TAMALIN: variants seen among roughly 807,000 people sequenced by gnomAD.
TAMALIN encodes the protein protein TAMALIN.
TAMALIN carries 9 observed loss-of-function variants against 38.5 expected under a neutral mutation model. The ratio of observed to expected loss-of-function variants is 0.23; its 90% confidence interval spans 0.14 to 0.41. The LOEUF (loss-of-function observed/expected upper bound fraction) is 0.41. Ranked by LOEUF, TAMALIN falls within the 10% of genes least tolerant of loss-of-function variation. The pLI is 1.00. For missense variants in TAMALIN, 548 were observed against 554.1 expected, an observed-to-expected ratio of 0.99 and a Z score of 0.11; for synonymous variants, 306 against 256.5, an observed-to-expected ratio of 1.19 and a Z score of -1.85.
chr12:52,013,372 C>A (rs183377493), intron 4 of TAMALIN: 1 of 301,974 alleles, frequency 3.3e-6, no homozygotes, highest in Non-Finnish European at 6.4e-6. Flanking sequence ...CCACCGCGCC[C>A]GGCCGGACAG....
rs1365242917 is a variant in TAMALIN at position 52,014,779 on chromosome 12, G to A, written c.768G>A (p.Ser256=). The A allele has an allele frequency of 6.8e-7, 1 of 1,464,194 alleles. No individual in the cohort carries two copies. The highest frequency in any genetic ancestry group is 9.0e-7 in the Non-Finnish European group (1 of 1,116,436). 90.7% of individuals were successfully genotyped at this position (1,464,194 alleles called of 1,614,324 possible). Residue 256 remains serine, a synonymous_variant, in exon 8 of 8, where the codon TCG becomes TCA. Coordinates refer to ENST00000293662, the MANE Select transcript of TAMALIN (RefSeq NM_181711.4). ...ACGGCGCGGGCCTGCTCCCGGGCTC[G>A]CTGCCCTTCGGGCCTCTGCTCGCCG... ...CLYGAGLLPG[S]LPFGPLLAVP...
In TAMALIN at chr12:52,014,881, C is replaced by A; in HGVS notation, c.870C>A (p.Phe290Leu). ...ACGCCGTCTACCACACGTGCTTCTT[C>A]GGGGACTCCGAGCCGCCGGCGCTGC... Reference protein sequence around the residue: ...ADDAVYHTCFFGDSEPPALPP... With the variant: ...ADDAVYHTCFLGDSEPPALPP... The change falls in exon 8 of 8, where the codon TTC becomes TTA. Residue 290 changes from phenylalanine (F) to leucine (L), a missense_variant. Transcript: ENST00000293662. 1 of 1,251,858 alleles carries A rather than the reference C, an allele frequency of 8.0e-7. No homozygotes were observed. The highest frequency in any genetic ancestry group is 1.0e-6 in the Non-Finnish European group (1 of 990,396). The allele number at this position is 1,251,858 out of a possible 1,614,324, so 77.5% of individuals were successfully genotyped here. A position where few individuals can be genotyped will look rare whatever the true frequency, so the allele number is the denominator to read the frequency against.
rs1863098235 is a variant in TAMALIN at position 52,011,498 on chromosome 12, A to C, written c.454+357A>C. On this transcript the variant is annotated intron_variant, in intron 4 of 7. Transcript: ENST00000293662. The surrounding 1 kb of genome is among the most constrained non-coding windows in gnomAD (Gnocchi z 5.3). ...CAGCATGGGCAGGAGCCAGGGAAGAAGCAACATTCCATTAAGTCTGTTTGA... is the reference window on the plus strand; with the variant it reads ...CAGCATGGGCAGGAGCCAGGGAAGACGCAACATTCCATTAAGTCTGTTTGA... 1 of 550,300 alleles carries C rather than the reference A, an allele frequency of 1.8e-6. No homozygotes were observed. The highest frequency in any genetic ancestry group is 3.3e-6 in the Non-Finnish European group (1 of 307,302). 34.1% of individuals were successfully genotyped at this position (550,300 alleles called of 1,614,324 possible).
At chr12:52,012,338 C>G (rs1193973596) in intron 4 of TAMALIN, among the ~76,000 whole-genome samples, 2 of 152,210 alleles carry the variant, frequency 1.3e-5, no homozygotes, top group Admixed American at 1.3e-4. Context: ...ACTGCAGCCT[C>G]TGCCTCCCAG....
chr12:52,010,430 A>G, intron 2 of TAMALIN: 2 of 891,034 alleles, frequency 2.2e-6, no homozygotes, highest in Non-Finnish European at 2.7e-6. Context: ...TGGCCCCAGC[A>G]TAGCTGGGAG....
rs1380930541 is a variant in TAMALIN, at chr12:52,007,558, T to G, written c.246+293T>G. On this transcript the variant is annotated intron_variant, in intron 1 of 7. Transcript: ENST00000293662. The surrounding 1 kb of genome is among the most constrained non-coding windows in gnomAD (Gnocchi z 6.7). The stretch of plus-strand genomic sequence containing the variant: ...CTCCTACCCGCTCCATCTGGCTTTC[T>G]GCCCCCCATGCCCCGCCTCCCCGTG... 1.0e-6 allele frequency: 1 copy of G among 983,152 alleles called. No individual in the cohort carries two copies. Among genetic ancestry groups the G allele is most frequent in the Non-Finnish European group, 1.2e-6 (1 of 828,324 alleles). The allele number at this position is 983,152 out of a possible 1,614,324, so 60.9% of individuals were successfully genotyped here.
At position 52,011,069 on chromosome 12, in the gene TAMALIN, C is replaced by T. The variant is rs764484127; in HGVS notation, c.382C>T (p.Arg128Cys). Residue 128 changes from arginine to cysteine, a missense_variant, in exon 4 of 8, where the codon CGT (arginine) becomes TGT (cysteine). Physicochemically the swap from Arg to Cys is radical, Grantham distance 180. Around this residue, in one of 3 missense-constraint regions of TAMALIN, gnomAD observed 415 missense variants for 417.0 expected, o/e 1.00. Transcript: ENST00000293662. This position sits in a 1 kb window ranked among gnomAD's most constrained non-coding sequence, Gnocchi z 5.3. ...TYGLHHREEQRVEMVTFVCRV... is the reference protein window; with the variant it reads ...TYGLHHREEQCVEMVTFVCRV... ...TGGCCTTCACCACCGGGAGGAGCAG[C>T]GTGTGGAAATGGTGACCTTTGTCTG... 15 of 1,613,108 alleles carry T rather than the reference C, an allele frequency of 9.3e-6. No homozygotes were observed. Among genetic ancestry groups the T allele is most frequent in the Admixed American group, 3.3e-5 (2 of 59,998 alleles).
chr12:52,008,293 G>C, intron 1 of TAMALIN: 1 of 985,284 alleles, frequency 1.0e-6, no homozygotes, highest in Non-Finnish European at 1.2e-6. Flanking sequence ...AAAGAAAAGG[G>C]CTGCTCTGGG....
At chr12:52,012,496 C>T (rs1323670024) in intron 4 of TAMALIN, among the ~76,000 whole-genome samples, 2 of 152,160 alleles carry the variant, frequency 1.3e-5, no homozygotes, top group Admixed American at 1.3e-4. Context: ...TCAGGTGATC[C>T]ACCCGCCTCG....
At chr12:52,010,738 A>G in intron 2 of TAMALIN, 143 bp from the exon 3 acceptor site, 1 of 1,018,002 alleles carries the variant, frequency 9.8e-7, no homozygotes, top group Non-Finnish European at 1.5e-6. Flanking sequence ...ACATTCCAAT[A>G]ATCTGTGATG....
intron 2 of TAMALIN, 126 bp downstream of exon 2, chr12:52,009,365 C>T (rs542954108): frequency 3.6e-5 from 32 of 894,984 alleles, no homozygotes; most frequent in Non-Finnish European, 4.5e-5. Flanking sequence ...ATGGCTCCCC[C>T]GCTGGGAGTG....
rs1244996834 is a variant in TAMALIN at position 52,013,962 on chromosome 12, C to T, written c.615+19C>T. On this transcript the variant is annotated intron_variant, in intron 6 of 7. Transcript: ENST00000293662. ...CCTGAAGGTAGGGGAACCTAGATAA[C>T]GTCCAGCCTCCACCCTCCTCTTCCC... The T allele has an allele frequency of 5.6e-6, 9 of 1,612,310 alleles. No homozygotes were observed. Among genetic ancestry groups the T allele is most frequent in the African/African-American group, 1.3e-5 (1 of 74,878 alleles).
Position 52,015,028 on chromosome 12 carries a change from T to TGGCGGGGGAGGA in TAMALIN, c.1025_1026insAGGAGGCGGGGG (p.Gly343_Gly346dup). 1 of 1,293,758 alleles carries TGGCGGGGGAGGA rather than the reference T, an allele frequency of 7.7e-7. No individual in the cohort carries two copies. Among genetic ancestry groups the TGGCGGGGGAGGA allele is most frequent in the Non-Finnish European group, 9.8e-7 (1 of 1,021,632 alleles). The allele number at this position is 1,293,758 out of a possible 1,614,324, so 80.1% of individuals were successfully genotyped here. ...GCGCCAGTGTGCGGTGCGCGGGCCC[T>TGGCGGGGGAGGA]GGCGGGGGCGGAGGCGGGGGCGCGC... On this transcript the variant is annotated inframe_insertion, in exon 8 of 8. Transcript: ENST00000293662.
intron 7 of TAMALIN, 96 bp from the exon 8 acceptor site, chr12:52,014,598 C>T: frequency 2.2e-6 from 2 of 916,610 alleles, no homozygotes; most frequent in Non-Finnish European, 3.2e-6. Flanking sequence ...GTCAGCAGGA[C>T]GGAGCGGGGA....
chr12:52,007,524 A>AC lies in TAMALIN; in HGVS notation c.246+265dup. On this transcript the variant is annotated intron_variant, in intron 1 of 7. Transcript: ENST00000293662. The surrounding 1 kb of genome is among the most constrained non-coding windows in gnomAD (Gnocchi z 6.7). ...CTCTCCCTCCTTGACTCCTCCCAGC[A>AC]CCCCCCTTCTCCTACCCGCTCCATC... The AC allele has an allele frequency of 5.2e-6, 5 of 969,750 alleles. No individual in the cohort carries two copies. Among genetic ancestry groups the AC allele is most frequent in the East Asian group, 1.2e-4 (1 of 8,280 alleles). 60.1% of individuals were successfully genotyped at this position (969,750 alleles called of 1,614,324 possible). A position where few individuals can be genotyped will look rare whatever the true frequency, so the allele number is the denominator to read the frequency against.
chr12:52,007,165 G>C lies in TAMALIN; in HGVS notation c.146G>C (p.Gly49Ala). Residue 49 changes from glycine to alanine, a missense_variant, in exon 1 of 8, where the codon GGG (glycine) becomes GCG (alanine). This residue lies in a region of TAMALIN where 128 missense variants were observed against 117.9 expected (regional missense o/e 1.09). Transcript: ENST00000293662. This position sits in a 1 kb window ranked among gnomAD's most constrained non-coding sequence, Gnocchi z 6.7. ...PGPPAAAATP[G>A]PPADELYAAL... is the part of the protein sequence containing the mutation. ...CCCCCTGCCGCAGCCGCCACCCCTG[G>C]GCCCCCAGCGGACGAGCTGTACGCG... The C allele has an allele frequency of 6.7e-7, 1 of 1,498,218 alleles. No homozygotes were observed. The highest frequency in any genetic ancestry group is 8.8e-7 in the Non-Finnish European group (1 of 1,133,192). 92.8% of individuals were successfully genotyped at this position (1,498,218 alleles called of 1,614,324 possible).
chr12:52,011,402 A>G lies in TAMALIN; in HGVS notation c.454+261A>G, dbSNP rs2120840006. 1.6e-6 allele frequency: 1 copy of G among 611,184 alleles called. No individual in the cohort carries two copies. The highest frequency in any genetic ancestry group is 2.8e-5 in the East Asian group (1 of 36,228). The allele number at this position is 611,184 out of a possible 1,614,324, so 37.9% of individuals were successfully genotyped here. On this transcript the variant is annotated intron_variant, in intron 4 of 7. Coordinates refer to ENST00000293662, the MANE Select transcript of TAMALIN (RefSeq NM_181711.4). The surrounding 1 kb of genome is among the most constrained non-coding windows in gnomAD (Gnocchi z 5.3). Reference sequence around the variant, plus strand: ...AGTGCGGCAAGGGGATTCCCTGGGCACACTGCCAGGGCCTAATTAATGGTG... The same window carrying G: ...AGTGCGGCAAGGGGATTCCCTGGGCGCACTGCCAGGGCCTAATTAATGGTG...
Position 52,011,304 on chromosome 12 carries a change from A to G in TAMALIN, c.454+163A>G. The G allele has an allele frequency of 2.4e-6, 3 of 1,271,842 alleles. No individual in the cohort carries two copies. The African/African-American group carries it at 4.4e-5, about 19-fold the overall frequency. The allele number at this position is 1,271,842 out of a possible 1,614,324, so 78.8% of individuals were successfully genotyped here. A position where few individuals can be genotyped will look rare whatever the true frequency, so the allele number is the denominator to read the frequency against. On this transcript the variant is annotated intron_variant, in intron 4 of 7. Coordinates refer to ENST00000293662, the MANE Select transcript of TAMALIN (RefSeq NM_181711.4). This position sits in a 1 kb window ranked among gnomAD's most constrained non-coding sequence, Gnocchi z 5.3. ...AGAATCTGGGCTTTGGATCTAGGCA[A>G]ATTTGCCATGTACTGTGTGATCTTG...
rs777657707 is a variant in TAMALIN at position 52,011,136 on chromosome 12, C to A, written c.449C>A (p.Thr150Lys). The A allele has an allele frequency of 6.8e-6, 11 of 1,611,660 alleles. No homozygotes were observed. In the Admixed American group the frequency reaches 1.8e-4, roughly 27 times the overall value. The change falls in exon 4 of 8, where the codon ACA becomes AAA. Residue 150 changes from threonine to lysine, a missense_variant. By Grantham distance (78) the Thr-to-Lys change is moderately conservative. This residue lies in a region of TAMALIN where 415 missense variants were observed against 417.0 expected (regional missense o/e 1.00). Transcript: ENST00000293662. The surrounding 1 kb of genome is among the most constrained non-coding windows in gnomAD (Gnocchi z 5.3). ...ESSPAQLAGL[T>K]PGDTIASVNG... The stretch of plus-strand genomic sequence containing the variant: ...AGCCCTGCCCAGCTGGCTGGGCTCA[C>A]ACCAGGTGGGGCCTGAGCCCAGGAC...
Sources: allele counts gnomAD v4.1 joint callset (sites outside exome capture counted in the v4.1 genomes callset), GRCh38; gene constraint gnomAD v4.1.1; regional missense constraint gnomAD v4.1.1; non-coding constraint Gnocchi (gnomAD v3.1); transcripts MANE v1.5; gene names NCBI Gene and HGNC (gene_info 2026-07-23, HGNC 2026-07-21).